The following ACOXL variants were observed in gnomAD, a reference collection of about 807,000 sequenced individuals.
ACOXL encodes the protein acyl-coenzyme A oxidase-like protein.
In ACOXL, 70 loss-of-function variants were observed where a neutral mutation model predicts 71.9. The ratio of observed to expected loss-of-function variants is 0.97; its 90% CI spans 0.80 to 1.19. The LOEUF (loss-of-function observed/expected upper bound fraction) is 1.19, where lower values mean the gene tolerates loss of function less well. ACOXL is among the 50% of genes most tolerant of loss of function. The pLI, the probability that ACOXL is intolerant of heterozygous loss-of-function variation, is 0.00. For synonymous variants in ACOXL, 253 were observed against 281.6 expected (o/e 0.90, Z 1.02); for missense variants, 703 against 736.3 (o/e 0.95, Z 0.52).
At chr2:110,791,711 T>A (rs865808264) in intron 3 of ACOXL, among the ~76,000 whole-genome samples, 5 of 152,142 alleles carry the variant, frequency 3.3e-5, no homozygotes, top group Admixed American at 1.3e-4. Context: ...GATGCCAGAG[T>A]GTGTTAGCTG....
At chr2:110,849,249 G>A (rs909400479) in intron 10 of ACOXL, among the ~76,000 whole-genome samples, 8 of 152,144 alleles carry the variant, frequency 5.3e-5, no homozygotes, top group African/African-American at 1.9e-4. Flanking sequence ...TTACAGCCAA[G>A]GCCATTTAAC....
intron 7 of ACOXL, among the ~76,000 whole-genome samples, chr2:110,800,473 A>C (rs1212461168): frequency 6.6e-6 from 1 of 152,204 alleles, no homozygotes; most frequent in Non-Finnish European, 1.5e-5. Flanking sequence ...AAATAAGGTC[A>C]CATACACAGG....
chr2:110,908,538 TTAGA>T, intron 10 of ACOXL, among the ~76,000 whole-genome samples: 1 of 152,316 alleles, frequency 6.6e-6, no homozygotes, highest in East Asian at 1.9e-4. Flanking sequence ...TACTCTGGTG[TTAGA>T]TAGATGTGCT....
chr2:110,828,322 T>A (rs1217052151), intron 9 of ACOXL, among the ~76,000 whole-genome samples: 2 of 152,250 alleles, frequency 1.3e-5, no homozygotes, highest in African/African-American at 2.4e-5. Context: ...TTTGCTTTTA[T>A]ACACAGGGTT....
At chr2:110,961,297 T>C (rs2061692002) in intron 12 of ACOXL, among the ~76,000 whole-genome samples, 1 of 152,184 alleles carries the variant, frequency 6.6e-6, no homozygotes, top group Non-Finnish European at 1.5e-5. Flanking sequence ...AGTTTCACCA[T>C]GTAGGAGAGA....
intron 14 of ACOXL, among the ~76,000 whole-genome samples, chr2:111,011,904 AAGG>A (rs1231993581): frequency 2.3e-5 from 3 of 130,706 alleles, no homozygotes; most frequent in African/African-American, 2.9e-5. Context: ...AAAAAAAAAA[AAGG>A]AGTGTATTAC....
intron 11 of ACOXL, among the ~76,000 whole-genome samples, chr2:110,920,669 C>CT (rs138228175): frequency 1.0e-4 from 15 of 150,388 alleles, no homozygotes; most frequent in South Asian, 2.1e-4. Flanking sequence ...TTTGGCTATT[C>CT]TTTTTTTTTG....
intron 1 of ACOXL, among the ~76,000 whole-genome samples, chr2:110,765,207 T>C (rs72832803): frequency 0.024 from 3,620 of 152,308 alleles, 68 homozygotes; most frequent in East Asian, 0.054. Context: ...GCCTTCAAGA[T>C]TTTTTCCTCG....
At chr2:111,034,922 CTTT>C (rs10707310) in intron 15 of ACOXL, among the ~76,000 whole-genome samples, 3 of 144,042 alleles carry the variant, frequency 2.1e-5, no homozygotes. Context: ...AAAGCACAGT[CTTT>C]TTTTTTTTTT....
At chr2:111,032,418 G>A (rs898625420) in intron 15 of ACOXL, among the ~76,000 whole-genome samples, 1 of 152,080 alleles carries the variant, frequency 6.6e-6, no homozygotes, top group Admixed American at 6.6e-5. Context: ...TATTCATTTT[G>A]GCTTCAGTCG....
chr2:110,795,564 C>G (rs1052906907), intron 5 of ACOXL: 1 of 152,190 alleles, frequency 6.6e-6, no homozygotes, highest in Non-Finnish European at 1.5e-5. Context: ...TGTAACCTTA[C>G]GAAAATGTAT....
intron 14 of ACOXL, among the ~76,000 whole-genome samples, chr2:111,027,181 CCA>C (rs1394875924): frequency 6.6e-6 from 1 of 152,122 alleles, no homozygotes; most frequent in Non-Finnish European, 1.5e-5. Flanking sequence ...CAGGCGTGAG[CCA>C]CCACGCCTGG....
chr2:111,088,392 C>G (rs1487857269), intron 16 of ACOXL, among the ~76,000 whole-genome samples: 1 of 152,184 alleles, frequency 6.6e-6, no homozygotes, highest in Non-Finnish European at 1.5e-5. Context: ...TGCAATCAAC[C>G]TAAATGCCCA....
chr2:110,810,570 C>T (rs1687194357), intron 9 of ACOXL, among the ~76,000 whole-genome samples: 1 of 151,990 alleles, frequency 6.6e-6, no homozygotes. Flanking sequence ...ATCATCTGTT[C>T]ATCCATCCAT....
At chr2:110,841,470 T>C in intron 10 of ACOXL, 65 bp downstream of exon 10, 1 of 1,379,308 alleles carries the variant, frequency 7.3e-7, no homozygotes, top group Non-Finnish European at 1.0e-6. Context: ...CTTGGTTTGC[T>C]TATGTCTCAG....
At chr2:111,117,593 T>C in intron 17 of ACOXL, 23 bp from the exon 18 acceptor site, 1 of 1,551,524 alleles carries the variant, frequency 6.4e-7, no homozygotes, top group Non-Finnish European at 8.7e-7. Flanking sequence ...ATCTGACCTG[T>C]CCCATTGTGT....
chr2:110,923,144 G>A lies in ACOXL; in HGVS notation c.906-10345G>A, dbSNP rs556842467. ...AGAGACTGCCTTCACTTTAACACAA[G>A]CCCAGGAAAAAGTTGGCACATTCTG... is the stretch of plus-strand genomic sequence containing the variant. On this transcript the variant is annotated intron_variant, in intron 11 of 17. Coordinates refer to ENST00000439055, the MANE Select transcript of ACOXL (RefSeq NM_001142807.4). 2.0e-5 allele frequency among the ~76,000 whole-genome samples: 3 copies of A among 152,184 alleles called. No homozygotes were observed. The East Asian group carries it at 5.8e-4, about 29-fold the overall frequency.
At chr2:110,780,291 A>C (rs1441951355) in intron 2 of ACOXL, among the ~76,000 whole-genome samples, 2 of 152,228 alleles carry the variant, frequency 1.3e-5, no homozygotes, top group South Asian at 2.1e-4. Context: ...CTAAAATTGG[A>C]AAAGACTGAC....
chr2:111,014,885 A>G (rs1306626119), intron 14 of ACOXL, among the ~76,000 whole-genome samples: 1 of 152,218 alleles, frequency 6.6e-6, no homozygotes, highest in Non-Finnish European at 1.5e-5. Flanking sequence ...GAATTTTTTA[A>G]TAGTGCAGGA....
Sources: gnomAD v4.1 joint callset for allele counts (sites outside exome capture counted in the v4.1 genomes callset) on GRCh38, gnomAD v4.1.1 for gene constraint, MANE v1.5 for transcripts, NCBI Gene and HGNC (gene_info 2026-07-23, HGNC 2026-07-21) for gene names.